CSMD1: variants seen among roughly 807,000 people sequenced by gnomAD.
CSMD1 encodes CUB and sushi domain-containing protein 1.
Under a neutral mutation model 417.5 loss-of-function variants are expected in CSMD1, and 213 were observed. The observed-to-expected ratio is 0.51, with a 90% CI of 0.46 to 0.57. The LOEUF (loss-of-function observed/expected upper bound fraction) is 0.57. Among genes scored for constraint, CSMD1 ranks in the 20% least tolerant of loss-of-function variants. The pLI is 0.00. For missense variants in CSMD1, 6,923 were observed against 4,529.7 expected (o/e 1.53, Z -15.17); for synonymous variants, 2,862 against 1,736.8 (o/e 1.65, Z -16.11).
At chr8:4,525,957 G>A (rs757602851) in intron 2 of CSMD1, among the ~76,000 whole-genome samples, 1 of 152,138 alleles carries the variant, frequency 6.6e-6, no homozygotes, top group East Asian at 1.9e-4. Flanking sequence ...ATAGATCTGG[G>A]TCCTGAACGC....
At chr8:4,687,832 T>C (rs1806489021) in intron 1 of CSMD1, among the ~76,000 whole-genome samples, 3 of 98,762 alleles carry the variant, frequency 3.0e-5, no homozygotes, top group African/African-American at 8.7e-5. Context: ...CACACATACA[T>C]ACATACACAC....
chr8:4,171,241 C>G (rs1162322596), intron 3 of CSMD1, among the ~76,000 whole-genome samples: 1 of 151,946 alleles, frequency 6.6e-6, no homozygotes, highest in Non-Finnish European at 1.5e-5. Flanking sequence ...CAACCGTTCA[C>G]TTGTCCATGC....
chr8:3,602,992 C>G (rs974040107), intron 8 of CSMD1, among the ~76,000 whole-genome samples: 1 of 152,048 alleles, frequency 6.6e-6, no homozygotes, highest in South Asian at 2.1e-4. Flanking sequence ...ATTGAAAAGA[C>G]TGTGTAAGAG....
intron 17 of CSMD1, among the ~76,000 whole-genome samples, chr8:3,388,273 G>C (rs920160821): frequency 2.0e-5 from 3 of 152,200 alleles, no homozygotes; most frequent in Non-Finnish European, 2.9e-5. Flanking sequence ...ATTAGCCTTT[G>C]CTAACGATGG....
chr8:4,135,748 G>C (rs1333959755), intron 3 of CSMD1, among the ~76,000 whole-genome samples: 1 of 152,080 alleles, frequency 6.6e-6, no homozygotes, highest in African/African-American at 2.4e-5. Context: ...TTAAAGAATT[G>C]CTGTGTAAAC....
intron 3 of CSMD1, among the ~76,000 whole-genome samples, chr8:4,303,420 C>G (rs571217054): frequency 2.2e-4 from 20 of 92,332 alleles, no homozygotes; most frequent in Admixed American, 2.1e-3. Context: ...GGGCAGGAAG[C>G]TGTTTTTTTT....
At chr8:4,270,789 C>G (rs78686130) in intron 3 of CSMD1, among the ~76,000 whole-genome samples, 1 of 152,052 alleles carries the variant, frequency 6.6e-6, no homozygotes, top group Non-Finnish European at 1.5e-5. Flanking sequence ...GGGGCTGTGG[C>G]TTCCTTCCTC....
intron 3 of CSMD1, among the ~76,000 whole-genome samples, chr8:4,051,798 A>G (rs1045537546): frequency 5.9e-5 from 9 of 152,220 alleles, no homozygotes; most frequent in African/African-American, 2.2e-4. Flanking sequence ...GATGGACACC[A>G]TACAATACTG....
At position 3,096,834 on chromosome 8, in the gene CSMD1, A is replaced by G. The variant is rs1035792370; in HGVS notation, c.7138+15T>C. On this transcript the variant is annotated intron_variant, in intron 47 of 69. Transcript: ENST00000635120. ...ATGCCGAGGTCACTGCTCTACAAAG[A>G]TTAAAGAAACTTACCATCAAACACT... 22 of 1,525,938 alleles carry G rather than the reference A, an allele frequency of 1.4e-5. No homozygotes were observed. The East Asian group carries it at 5.1e-4, about 36-fold the overall frequency. The allele number at this position is 1,525,938 out of a possible 1,614,324, so 94.5% of individuals were successfully genotyped here. A position where few individuals can be genotyped will look rare whatever the true frequency, so the allele number is the denominator to read the frequency against.
chr8:4,128,507 C>T (rs547589789), intron 3 of CSMD1, among the ~76,000 whole-genome samples: 194 of 152,292 alleles, frequency 1.3e-3, no homozygotes, highest in African/African-American at 4.4e-3. Context: ...AACAAACAAA[C>T]ACATTGCTTA....
intron 5 of CSMD1, among the ~76,000 whole-genome samples, chr8:3,783,791 C>A (rs1327160392): frequency 1.3e-5 from 2 of 152,192 alleles, no homozygotes; most frequent in Non-Finnish European, 2.9e-5. Flanking sequence ...ATAGGAGACA[C>A]TGAGGCTTCC....
chr8:3,902,042 T>G (rs1393113673), intron 5 of CSMD1, among the ~76,000 whole-genome samples: 1 of 152,188 alleles, frequency 6.6e-6, no homozygotes, highest in Admixed American at 6.5e-5. Context: ...GTTGTTCTTC[T>G]TTTGCAATGA....
chr8:3,187,136 G>C (rs955128836), intron 36 of CSMD1, among the ~76,000 whole-genome samples: 3 of 152,220 alleles, frequency 2.0e-5, no homozygotes, highest in African/African-American at 7.2e-5. Flanking sequence ...TGAGGACAGT[G>C]ATGACCAGGG....
chr8:4,310,728 A>G (rs897766091), intron 3 of CSMD1, among the ~76,000 whole-genome samples: 1 of 152,170 alleles, frequency 6.6e-6, no homozygotes, highest in African/African-American at 2.4e-5. Flanking sequence ...ATTGTATACC[A>G]TGGAGAGAGT....
intron 3 of CSMD1, among the ~76,000 whole-genome samples, chr8:4,353,271 C>A (rs755995681): frequency 1.3e-5 from 2 of 152,030 alleles, no homozygotes; most frequent in African/African-American, 2.4e-5. Context: ...CTCAGGAGAT[C>A]TGATGGTTTT....
At chr8:4,516,501 T>TC (rs962040737) in intron 2 of CSMD1, among the ~76,000 whole-genome samples, 3 of 152,010 alleles carry the variant, frequency 2.0e-5, no homozygotes, top group Non-Finnish European at 2.9e-5. Flanking sequence ...CCTTCTATGA[T>TC]CCCCCTTCCT....
At chr8:4,680,415 C>G (rs114611638) in intron 1 of CSMD1, among the ~76,000 whole-genome samples, 1 of 152,104 alleles carries the variant, frequency 6.6e-6, no homozygotes, top group African/African-American at 2.4e-5. Flanking sequence ...ATTTCCTTCA[C>G]CCTTTGAAAC....
intron 3 of CSMD1, among the ~76,000 whole-genome samples, chr8:4,407,910 C>A (rs1042672385): frequency 6.6e-6 from 1 of 152,114 alleles, no homozygotes; most frequent in Non-Finnish European, 1.5e-5. Context: ...ACATCCAAAG[C>A]TGAAACGTGT....
intron 3 of CSMD1, among the ~76,000 whole-genome samples, chr8:4,042,970 G>GA (rs1797969041): frequency 6.7e-6 from 1 of 150,104 alleles, no homozygotes; most frequent in African/African-American, 2.5e-5. Flanking sequence ...TACTAAATAT[G>GA]GGAAAAAAAA....
Sources: gnomAD v4.1 joint callset for allele counts (sites outside exome capture counted in the v4.1 genomes callset) on GRCh38, gnomAD v4.1.1 for gene constraint, MANE v1.5 for transcripts, NCBI Gene and HGNC (gene_info 2026-07-23, HGNC 2026-07-21) for gene names.